The following PPIG variants were observed in gnomAD, a reference collection of about 807,000 sequenced individuals.
The protein encoded by PPIG is peptidylprolyl isomerase G, also known as peptidyl-prolyl cis-trans isomerase G.
In PPIG, 26 loss-of-function variants were observed where a neutral mutation model predicts 87.9. The ratio of observed to expected loss-of-function variants is 0.30; its 90% CI spans 0.22 to 0.41. The LOEUF is 0.41. Among genes scored for constraint, PPIG ranks in the 10% least tolerant of loss-of-function variants. PPIG has a pLI of 1.00. For missense variants in PPIG, 722 were observed against 879.4 expected, an observed-to-expected ratio of 0.82 and a Z score of 2.26; for synonymous variants, 308 against 276.5, an observed-to-expected ratio of 1.11 and a Z score of -1.13.
intron 9 of PPIG, among the ~76,000 whole-genome samples, chr2:169,621,345 C>G (rs1250610718): frequency 6.6e-6 from 1 of 151,328 alleles, no homozygotes; most frequent in Admixed American, 6.6e-5. Flanking sequence ...TATTTTCTTC[C>G]ATGTGATGTC....
At chr2:169,635,167 T>C (rs1030455760) in intron 12 of PPIG, among the ~76,000 whole-genome samples, 4 of 152,206 alleles carry the variant, frequency 2.6e-5, no homozygotes, top group Admixed American at 2.6e-4. Flanking sequence ...CTGATCTTTT[T>C]TTTAAAATAG....
Position 169,630,941 on chromosome 2 carries a change from C to G in PPIG, c.715C>G (p.Arg239Gly). 1 of 1,597,472 alleles carries G rather than the reference C, an allele frequency of 6.3e-7. No homozygotes were observed. The highest frequency in any genetic ancestry group is 1.2e-5 in the South Asian group (1 of 86,310). ...KRKKKHRKNS[R>G]KHKKEKKKRK... ...AAAAAAGAAACATCGGAAAAATTCC[C>G]GAAAACACAAGAAAGAAAAGAAAAA... Residue 239 changes from arginine (R) to glycine (G), a missense_variant, in exon 10 of 14, where the codon CGA becomes GGA. Coordinates refer to ENST00000260970, the MANE Select transcript of PPIG (RefSeq NM_004792.3).
rs1298435476 is a variant in PPIG at position 169,636,114 on chromosome 2, C to G, written c.1040C>G (p.Ser347Cys). 2 of 1,604,136 alleles carry G rather than the reference C, an allele frequency of 1.2e-6. No individual in the cohort carries two copies. The highest frequency in any genetic ancestry group is 1.7e-6 in the Non-Finnish European group (2 of 1,176,572). The change falls in exon 13 of 14, where the codon TCC becomes TGC. Residue 347 changes from serine (S) to cysteine (C), a missense_variant. Physicochemically the swap from Ser to Cys is moderately radical, Grantham distance 112. Transcript: ENST00000260970. ...GPRRYRTPSRSRSRDRFRRSE... is the reference protein window; with the variant it reads ...GPRRYRTPSRCRSRDRFRRSE... ...TAGCGTTATCGAACTCCTTCCAGAT[C>G]CAGATCAAGGGATCGTTTCAGACGT...
intron 12 of PPIG, 81 bp downstream of exon 12, chr2:169,633,328 A>T (rs933081891): frequency 8.0e-6 from 9 of 1,122,360 alleles, no homozygotes; most frequent in Non-Finnish European, 1.2e-5. Flanking sequence ...CTTAAATATT[A>T]TTTTAATGTG....
chr2:169,602,308 T>G (rs911837318), intron 1 of PPIG, among the ~76,000 whole-genome samples: 1 of 152,140 alleles, frequency 6.6e-6, no homozygotes, highest in Non-Finnish European at 1.5e-5. Context: ...ATAGAATATA[T>G]TAAAATTAGC....
At chr2:169,594,817 G>T (rs1440715831) in intron 1 of PPIG, among the ~76,000 whole-genome samples, 1 of 151,816 alleles carries the variant, frequency 6.6e-6, no homozygotes. Context: ...TAGTGGAGAC[G>T]GAATTTCACC....
At chr2:169,594,625 C>CTTTTTTTTTTTT (rs61375406) in intron 1 of PPIG, among the ~76,000 whole-genome samples, 25 of 114,628 alleles carry the variant, frequency 2.2e-4, no homozygotes, top group African/African-American at 3.4e-4. Flanking sequence ...TCTTTCTTTT[C>CTTTTTTTTTTTT]TTTTTTTTTT....
rs751947794 is a variant in PPIG at position 169,636,564 on chromosome 2, A to G, written c.1306A>G (p.Arg436Gly). The change falls in exon 14 of 14, where the codon AGA (arginine) becomes GGA (glycine). Residue 436 changes from arginine to glycine, a missense_variant. Around this residue, in one of 4 missense-constraint regions of PPIG, gnomAD observed 476 missense variants for 483.1 expected, o/e 0.99. Coordinates refer to ENST00000260970, the MANE Select transcript of PPIG (RefSeq NM_004792.3). ...VKDHKSNSKE[R>G]DIRRNSEKDD... The stretch of plus-strand genomic sequence containing the variant: ...AGACCATAAATCTAACAGCAAAGAG[A>G]GAGACATCAGAAGAAATTCAGAAAA... 3 of 1,603,528 alleles carry G rather than the reference A, an allele frequency of 1.9e-6. No individual in the cohort carries two copies. Among genetic ancestry groups the G allele is most frequent in the South Asian group, 2.3e-5 (2 of 87,906 alleles).
chr2:169,588,247 G>A (rs2592801), intron 1 of PPIG, among the ~76,000 whole-genome samples: 61,218 of 152,022 alleles, frequency 0.4, 12,994 homozygotes, highest in East Asian at 0.58. Context: ...GTGTGTGTGT[G>A]TATATACTAA....
At chr2:169,591,041 A>G (rs1453274513) in intron 1 of PPIG, among the ~76,000 whole-genome samples, 1 of 152,192 alleles carries the variant, frequency 6.6e-6, no homozygotes, top group Non-Finnish European at 1.5e-5. Context: ...TATTTTTTCT[A>G]GATTAGAAAC....
chr2:169,627,337 T>C (rs1685916585), intron 9 of PPIG, among the ~76,000 whole-genome samples: 1 of 152,232 alleles, frequency 6.6e-6, no homozygotes, highest in African/African-American at 2.4e-5. Context: ...CCTCAACCGA[T>C]CCACTAGCCT....
At position 169,608,865 on chromosome 2, in the gene PPIG, G is replaced by A. The variant is rs980305725; in HGVS notation, c.377+107G>A. 20 of 621,098 alleles carry A rather than the reference G, an allele frequency of 3.2e-5. No individual in the cohort carries two copies. In the African/African-American group the frequency reaches 3.6e-4, roughly 11 times the overall value. The allele number at this position is 621,098 out of a possible 1,614,324, so 38.5% of individuals were successfully genotyped here. A position where few individuals can be genotyped will look rare whatever the true frequency, so the allele number is the denominator to read the frequency against. ...TGGGAGGCTGAGGCGGGCGGATCAC[G>A]AGGTCAGGAGATCGAGACCATCCTG... is the stretch of plus-strand genomic sequence containing the variant. On this transcript the variant is annotated intron_variant, in intron 7 of 13. Transcript: ENST00000260970.
intron 9 of PPIG, among the ~76,000 whole-genome samples, chr2:169,615,125 T>G (rs1685579091): frequency 1.3e-5 from 2 of 152,082 alleles, no homozygotes; most frequent in Admixed American, 1.3e-4. Flanking sequence ...CTTGGCTCAC[T>G]GCAACCTCCG....
At chr2:169,627,199 A>G (rs1347779223) in intron 9 of PPIG, among the ~76,000 whole-genome samples, 1 of 152,066 alleles carries the variant, frequency 6.6e-6, no homozygotes, top group Non-Finnish European at 1.5e-5. Context: ...TTGGGGTTCA[A>G]GCGATTCTCG....
intron 12 of PPIG, 123 bp from the exon 13 acceptor site, chr2:169,635,965 ATTTT>A (rs895663812): frequency 4.1e-6 from 2 of 489,940 alleles, no homozygotes; most frequent in East Asian, 3.5e-5. Flanking sequence ...TGCTTTTTAT[ATTTT>A]TTTTATTTTG....
chr2:169,606,230 A>G (rs1685320563), intron 5 of PPIG, 84 bp downstream of exon 5: 1 of 963,828 alleles, frequency 1.0e-6, no homozygotes, highest in African/African-American at 1.6e-5. Context: ...GTTTTAGTCC[A>G]ATATTCTTGT....
intron 9 of PPIG, among the ~76,000 whole-genome samples, chr2:169,624,873 AGCCACCGC>A (rs1263490789): frequency 6.6e-6 from 1 of 152,192 alleles, no homozygotes; most frequent in African/African-American, 2.4e-5. Flanking sequence ...TACAGGCATG[AGCCACCGC>A]GCCCAGCCGG....
intron 1 of PPIG, among the ~76,000 whole-genome samples, chr2:169,592,964 A>G (rs965291092): frequency 3.3e-5 from 5 of 152,078 alleles, no homozygotes; most frequent in African/African-American, 1.2e-4. Flanking sequence ...TTTAATAGTA[A>G]TTTGCTGCCT....
intron 1 of PPIG, among the ~76,000 whole-genome samples, chr2:169,601,124 A>G (rs1268177945): frequency 6.6e-6 from 1 of 152,224 alleles, no homozygotes; most frequent in Non-Finnish European, 1.5e-5. Flanking sequence ...TGAACTAAAC[A>G]GTAGGTTTCT....
Sources: allele counts gnomAD v4.1 joint callset (sites outside exome capture counted in the v4.1 genomes callset), GRCh38; gene constraint gnomAD v4.1.1; regional missense constraint gnomAD v4.1.1; transcripts MANE v1.5; gene names NCBI Gene and HGNC (gene_info 2026-07-23, HGNC 2026-07-21).